Variants in PTOV1 observed in about 807,000 individuals in gnomAD.
PTOV1 encodes PTOV1 extended AT-hook containing adaptor protein.
PTOV1 carries 20 observed loss-of-function variants against 58.0 expected under a neutral mutation model. The observed-to-expected ratio is 0.34, with a 90% CI of 0.24 to 0.50. The LOEUF is 0.50. Among genes scored for constraint, PTOV1 ranks in the 20% least tolerant of loss-of-function variants. The pLI is 0.98. For missense variants in PTOV1, 593 were observed against 565.4 expected (o/e 1.05, Z -0.50); for synonymous variants, 335 against 234.2 (o/e 1.43, Z -3.93).
At chr19:49,857,376 C>T in intron 6 of PTOV1, 1 of 626,956 alleles carries the variant, frequency 1.6e-6, no homozygotes, top group Non-Finnish European at 2.8e-6. Flanking sequence ...GAGCGGGGAG[C>T]TGGGCAGGGG....
At position 49,857,900 on chromosome 19, in the gene PTOV1, A is replaced by G. The variant is rs1226513370; in HGVS notation, c.805-4A>G. ...AGGGCTCCTCTTTGCCTCTCCCCCA[A>G]AAGCCCAGGCCTGAGCCCAACAGTC... On this transcript the variant is annotated splice_region_variant and splice_polypyrimidine_tract_variant and intron_variant, in intron 7 of 11. Coordinates refer to ENST00000391842, the Ensembl canonical transcript of PTOV1. 4.3e-6 allele frequency: 7 copies of G among 1,613,558 alleles called. No homozygotes were observed. The highest frequency in any genetic ancestry group is 5.9e-6 in the Non-Finnish European group (7 of 1,179,620).
At chr19:49,850,837 G>A, upstream of PTOV1, 1 of 1,534,602 alleles carries the variant, frequency 6.5e-7, no homozygotes, top group Non-Finnish European at 8.7e-7. Flanking sequence ...CTTCCCTGAT[G>A]TATTTTGGCG....
At chr19:49,857,400 G>C in intron 6 of PTOV1, 1 of 609,726 alleles carries the variant, frequency 1.6e-6, no homozygotes, top group Non-Finnish European at 2.9e-6. Flanking sequence ...GGATCGTCCT[G>C]CGGCTGGAAG....
chr19:49,858,764 T>C, intron 10 of PTOV1, 111 bp downstream of exon 10: 5 of 935,218 alleles, frequency 5.3e-6, no homozygotes, highest in Non-Finnish European at 8.3e-6. Flanking sequence ...CCAGACCAGC[T>C]GGGGAGAGAG....
rs765021487 is a variant in PTOV1 at position 49,854,827 on chromosome 19, A to G, written c.393-4A>G. On this transcript the variant is annotated splice_polypyrimidine_tract_variant and splice_region_variant and intron_variant, in intron 3 of 11. Transcript: ENST00000391842. The stretch of plus-strand genomic sequence containing the variant: ...AGCCCTTTCTGACCAGCTCCTTCCC[A>G]TAGGGAGACCGACCAGTGGCCGCAG... 1.9e-6 allele frequency: 3 copies of G among 1,613,286 alleles called. No individual in the cohort carries two copies. The highest frequency in any genetic ancestry group is 2.5e-6 in the Non-Finnish European group (3 of 1,179,968).
At chr19:49,860,114 C>G (rs948972506) in exon 11 of PTOV1, 1 of 1,614,220 alleles carries the variant, frequency 6.2e-7, no homozygotes, top group Admixed American at 1.7e-5. Flanking sequence ...TCAACGGCAT[C>G]CGGCGTGTCA....
At chr19:49,857,558 C>A (rs985595960) in intron 6 of PTOV1, 135 bp from the exon 7 acceptor site, 6 of 805,012 alleles carry the variant, frequency 7.5e-6, no homozygotes, top group Non-Finnish European at 1.2e-5. Context: ...AGGGCCTGTT[C>A]CCCTGGGACT....
At chr19:49,852,492 A>C (rs921405175) in intron 1 of PTOV1, 2 of 152,228 alleles carry the variant, frequency 1.3e-5, no homozygotes, top group African/African-American at 4.8e-5. Flanking sequence ...TTCCCTGTGC[A>C]ATAGGGATGT....
intron 6 of PTOV1, 51 bp from the exon 7 acceptor site, chr19:49,857,642 A>G (rs1306063290): frequency 6.5e-7 from 1 of 1,541,400 alleles, no homozygotes. Context: ...ACAGACAGAC[A>G]GGTTTCCCAG....
At chr19:49,859,065 T>G (rs2074617209) in intron 10 of PTOV1, 1 of 161,450 alleles carries the variant, frequency 6.2e-6, no homozygotes, top group Non-Finnish European at 1.3e-5. Context: ...CTCAGCTGAC[T>G]CCTCTTCTCT....
In PTOV1 at chr19:49,855,154, G is replaced by A. The variant is rs767968538; in HGVS notation, c.558+77G>A. Reference sequence around the variant, plus strand: ...GCAGCGCTCTGCTCACACAGTCCAGGCGGGGGTCGGGGGGTCTCCCCTGGG... The same window carrying A: ...GCAGCGCTCTGCTCACACAGTCCAGACGGGGGTCGGGGGGTCTCCCCTGGG... On this transcript the variant is annotated intron_variant, in intron 5 of 11. Transcript: ENST00000391842. The A allele has an allele frequency of 1.9e-5, 27 of 1,413,750 alleles. No homozygotes were observed. In the Admixed American group the frequency reaches 5.3e-4, roughly 28 times the overall value. The allele number at this position is 1,413,750 out of a possible 1,614,324, so 87.6% of individuals were successfully genotyped here.
intron 1 of PTOV1, chr19:49,852,169 G>C: frequency 1.3e-6 from 1 of 760,106 alleles, no homozygotes; most frequent in Non-Finnish European, 1.6e-6. Context: ...TCGCGACTTT[G>C]CACCGTGCAC....
intron 1 of PTOV1, chr19:49,851,967 C>G (rs1209762237): frequency 1.3e-5 from 13 of 985,328 alleles, no homozygotes; most frequent in African/African-American, 5.2e-5. Flanking sequence ...GCTCCGTGCC[C>G]GTGGAGTGCG....
intron 1 of PTOV1, 195 bp downstream of exon 1, chr19:49,851,694 T>G (rs2074255057): frequency 9.3e-6 from 10 of 1,078,740 alleles, no homozygotes; most frequent in East Asian, 1.1e-4. Flanking sequence ...TGTTGCGCGT[T>G]CGGGCCGGGG....
chr19:49,857,889 C>T lies in PTOV1; in HGVS notation c.805-15C>T. On this transcript the variant is annotated splice_polypyrimidine_tract_variant and intron_variant, in intron 7 of 11. Coordinates refer to ENST00000391842, the Ensembl canonical transcript of PTOV1. ...CTCCAGCCCTGAGGGCTCCTCTTTG[C>T]CTCTCCCCCAAAAGCCCAGGCCTGA... 1.2e-6 allele frequency: 2 copies of T among 1,612,932 alleles called. No homozygotes were observed. The highest frequency in any genetic ancestry group is 1.7e-6 in the Non-Finnish European group (2 of 1,179,198).
chr19:49,858,238 T>C (rs2074569312), intron 9 of PTOV1, 124 bp downstream of exon 9: 2 of 1,254,170 alleles, frequency 1.6e-6, no homozygotes, highest in Non-Finnish European at 2.2e-6. Flanking sequence ...CTGAGGGTGC[T>C]GAAGCAGGTG....
chr19:49,851,236 C>A, exon 1 of PTOV1: 1 of 1,133,728 alleles, frequency 8.8e-7, no homozygotes, highest in Non-Finnish European at 1.1e-6. Context: ...TCCCCCGAAG[C>A]CGCGCGCCCG....
rs1472394102 is a variant in PTOV1, at chr19:49,855,098, T to C, written c.558+21T>C. On this transcript the variant is annotated intron_variant, in intron 5 of 11. Coordinates refer to ENST00000391842, the Ensembl canonical transcript of PTOV1. ...GCTTCGTGAGTGGGGCGGGCTCCCT[T>C]GTAGCACTGTGGTGACAAGTACAGC... 2.6e-6 allele frequency: 4 copies of C among 1,554,640 alleles called. No individual in the cohort carries two copies. In the Admixed American group the frequency reaches 5.6e-5, roughly 22 times the overall value.
At chr19:49,851,549 G>A in intron 1 of PTOV1, 50 bp downstream of exon 1, 7 of 936,014 alleles carry the variant, frequency 7.5e-6, no homozygotes, top group Admixed American at 5.4e-5. Context: ...CGCCCCCCCA[G>A]CCCCTATCCC....
Sources: gnomAD v4.1 joint callset for allele counts on GRCh38, gnomAD v4.1.1 for gene constraint, MANE v1.5 for transcripts, NCBI Gene and HGNC (gene_info 2026-07-23, HGNC 2026-07-21) for gene names.